The following APOA5 variants were observed in gnomAD, a reference collection of about 807,000 sequenced individuals.
APOA5 encodes the protein apolipoprotein A5.
A neutral mutation model predicts 31.8 loss-of-function variants in APOA5; 26 were observed. The ratio of observed to expected loss-of-function variants is 0.82; its 90% confidence interval spans 0.60 to 1.13. APOA5 has a LOEUF of 1.13. APOA5 is among the 50% of genes most tolerant of loss of function. The pLI, the probability that APOA5 is intolerant of heterozygous loss-of-function variation, is 0.00. For missense variants in APOA5, 450 were observed against 488.0 expected, an observed-to-expected ratio of 0.92 and a Z score of 0.73; for synonymous variants, 186 against 198.5, an observed-to-expected ratio of 0.94 and a Z score of 0.53.
Position 116,791,821 on chromosome 11 carries a change from GAGCCAGAGCCCAGGTGAGCACGGC to G in APOA5, c.16_39del (p.Ala6_Ala13del), listed in dbSNP as rs777372370. On this transcript the variant is annotated inframe_deletion, in exon 1 of 3. Transcript: ENST00000227665. ...AGGGTCGGAGACCCACCTGAAAGAA[GAGCCAGAGCCCAGGTGAGCACGGC>G]AGCCATGCTTGCCATTACCTGCTCT... 3.1e-6 allele frequency: 5 copies of G among 1,614,238 alleles called. No individual in the cohort carries two copies. The South Asian group carries it at 5.5e-5, about 18-fold the overall frequency.
intron 2 of APOA5, chr11:116,791,374 A>G (rs541986567): frequency 5.9e-5 from 42 of 709,722 alleles, no homozygotes; most frequent in South Asian, 5.8e-4. Flanking sequence ...TCAGTGAGCA[A>G]GGGGGCAACA....
At position 116,790,940 on chromosome 11, in the gene APOA5, G is replaced by A. The variant is rs201079485; in HGVS notation, c.289C>T (p.Gln97Ter). The change falls in exon 3 of 3, where the codon CAG (glutamine) becomes TAG (stop). Residue 97 changes from glutamine to a stop codon, truncating the protein, a stop_gained. Transcript: ENST00000227665. LOFTEE classifies it high-confidence loss of function. ...QDPVGMRRQL[Q>*]EELEEVKARL... is the part of the protein sequence containing the mutation. Reference sequence around the variant, plus strand: ...GCCTTCACCTCCTCCAACTCCTCCTGCAGCTGCCGCCGCATGCCCACCGGG... The same window carrying A: ...GCCTTCACCTCCTCCAACTCCTCCTACAGCTGCCGCCGCATGCCCACCGGG... The A allele has an allele frequency of 1.7e-4, 276 of 1,613,128 alleles. No individual in the cohort carries two copies. The highest frequency in any genetic ancestry group is 2.2e-4 in the Non-Finnish European group (256 of 1,180,024).
At chr11:116,791,211 TGGC>T in intron 2 of APOA5, 144 bp from the exon 3 acceptor site, 1 of 765,158 alleles carries the variant, frequency 1.3e-6, no homozygotes, top group South Asian at 1.5e-5. Flanking sequence ...GTCCTAGCCC[TGGC>T]CAGTAACAAC....
At chr11:116,791,963 A>ACT (rs931352504), upstream of APOA5, 236 of 1,301,746 alleles carry the variant, frequency 1.8e-4, 1 homozygote, top group Non-Finnish European at 2.1e-4. Context: ...TGCAGGGGCA[A>ACT]CTGCCCGAAA....
At position 116,790,894 on chromosome 11, in the gene APOA5, G is replaced by A; in HGVS notation, c.335C>T (p.Ala112Val). ...EVKARLQPYMAEAHELVGWNL... is the reference protein window; with the variant it reads ...EVKARLQPYMVEAHELVGWNL... Reference sequence around the variant, plus strand: ...CCAGCCCACCAGCTCGTGCGCCTCTGCCATGTAGGGCTGGAGGCGAGCCTT... The same window carrying A: ...CCAGCCCACCAGCTCGTGCGCCTCTACCATGTAGGGCTGGAGGCGAGCCTT... Residue 112 changes from alanine to valine, a missense_variant, in exon 3 of 3, where the codon GCA becomes GTA. Transcript: ENST00000227665. 1 of 1,613,676 alleles carries A rather than the reference G, an allele frequency of 6.2e-7. No individual in the cohort carries two copies. The highest frequency in any genetic ancestry group is 8.5e-7 in the Non-Finnish European group (1 of 1,180,044).
At chr11:116,791,494 G>T in intron 2 of APOA5, 92 bp downstream of exon 2, 1 of 1,268,172 alleles carries the variant, frequency 7.9e-7, no homozygotes, top group Non-Finnish European at 1.1e-6. Flanking sequence ...TCCCAGCAGC[G>T]GCCACAGAGG....
Position 116,790,888 on chromosome 11 carries a change from G to T in APOA5, c.341C>A (p.Ala114Glu). The T allele has an allele frequency of 6.2e-7, 1 of 1,613,536 alleles. No individual in the cohort carries two copies. The highest frequency in any genetic ancestry group is 8.5e-7 in the Non-Finnish European group (1 of 1,179,990). ...CAAATTCCAGCCCACCAGCTCGTGCGCCTCTGCCATGTAGGGCTGGAGGCG... is the reference window on the plus strand; with the variant it reads ...CAAATTCCAGCCCACCAGCTCGTGCTCCTCTGCCATGTAGGGCTGGAGGCG... ...KARLQPYMAE[A>E]HELVGWNLEG... is the part of the protein sequence containing the mutation. The change falls in exon 3 of 3, where the codon GCG becomes GAG. Residue 114 changes from alanine (A) to glutamate (E), a missense_variant. Physicochemically the swap from Ala to Glu is moderately radical, Grantham distance 107. Coordinates refer to ENST00000227665, the MANE Select transcript of APOA5 (RefSeq NM_001371904.1).
Position 116,790,001 on chromosome 11 carries a change from C to G in APOA5, c.*127G>C. ...GAGACAGCAGCCCCTTTGGTGGCCTCCCTGTCCTGCACAGGACCTTCCACC... is the reference window on the plus strand; with the variant it reads ...GAGACAGCAGCCCCTTTGGTGGCCTGCCTGTCCTGCACAGGACCTTCCACC... On this transcript the variant is annotated 3_prime_UTR_variant, in exon 3 of 3. Coordinates refer to ENST00000227665, the MANE Select transcript of APOA5 (RefSeq NM_001371904.1). 1 of 1,026,436 alleles carries G rather than the reference C, an allele frequency of 9.7e-7. No homozygotes were observed. Among genetic ancestry groups the G allele is most frequent in the Non-Finnish European group, 1.5e-6 (1 of 677,786 alleles). The allele number at this position is 1,026,436 out of a possible 1,614,324, so 63.6% of individuals were successfully genotyped here.
At chr11:116,791,257 A>T in intron 2 of APOA5, 190 bp from the exon 3 acceptor site, 2 of 709,000 alleles carry the variant, frequency 2.8e-6, no homozygotes, top group Non-Finnish European at 5.1e-6. Flanking sequence ...TTGCCCATAC[A>T]AATCCAGACC....
In APOA5 at chr11:116,790,959, C is replaced by T. The variant is rs1169697106; in HGVS notation, c.270G>A (p.Val90=). 6 of 1,613,232 alleles carry T rather than the reference C, an allele frequency of 3.7e-6. No homozygotes were observed. The highest frequency in any genetic ancestry group is 5.1e-6 in the Non-Finnish European group (6 of 1,179,946). ...SEAPRLPQDP[V]GMRRQLQEEL... ...CCTCCTGCAGCTGCCGCCGCATGCC[C>T]ACCGGGTCCTGTGGGAGCCGAGGAG... The change falls in exon 3 of 3, where the codon GTG becomes GTA. Residue 90 remains valine, a synonymous_variant. Coordinates refer to ENST00000227665, the MANE Select transcript of APOA5 (RefSeq NM_001371904.1).
In APOA5 at chr11:116,790,585, G is replaced by A. The variant is rs76753536; in HGVS notation, c.644C>T (p.Pro215Leu). The change falls in exon 3 of 3, where the codon CCG (proline) becomes CTG (leucine). Residue 215 changes from proline to leucine, a missense_variant. Coordinates refer to ENST00000227665, the MANE Select transcript of APOA5 (RefSeq NM_001371904.1). ...HVQELHRSVA[P>L]HAPASPARLS... The stretch of plus-strand genomic sequence containing the variant: ...GCGCGCGGGGCTGGCGGGGGCGTGC[G>A]GAGCCACACTGCGGTGCAGCTCCTG... 1.5e-4 allele frequency: 234 copies of A among 1,600,410 alleles called. 2 individuals are homozygous for A. In the African/African-American group the frequency reaches 2.6e-3, roughly 18 times the overall value.
Position 116,790,908 on chromosome 11 carries a change from G to C in APOA5, c.321C>G (p.Leu107=). 2.5e-6 allele frequency: 4 copies of C among 1,613,612 alleles called. No individual in the cohort carries two copies. Among genetic ancestry groups the C allele is most frequent in the Non-Finnish European group, 3.4e-6 (4 of 1,180,046 alleles). ...QEELEEVKAR[L]QPYMAEAHEL... The stretch of plus-strand genomic sequence containing the variant: ...CGTGCGCCTCTGCCATGTAGGGCTG[G>C]AGGCGAGCCTTCACCTCCTCCAACT... The change falls in exon 3 of 3, where the codon CTC becomes CTG. Residue 107 remains leucine, a synonymous_variant. Coordinates refer to ENST00000227665, the MANE Select transcript of APOA5 (RefSeq NM_001371904.1).
chr11:116,790,025 C>T lies in APOA5; in HGVS notation c.*103G>A. 3 of 1,303,116 alleles carry T rather than the reference C, an allele frequency of 2.3e-6. No individual in the cohort carries two copies. Among genetic ancestry groups the T allele is most frequent in the East Asian group, 5.0e-5 (2 of 39,828 alleles). The allele number at this position is 1,303,116 out of a possible 1,614,324, so 80.7% of individuals were successfully genotyped here. A position where few individuals can be genotyped will look rare whatever the true frequency, so the allele number is the denominator to read the frequency against. On this transcript the variant is annotated 3_prime_UTR_variant, in exon 3 of 3. Transcript: ENST00000227665. ...TCCCTGTCCTGCACAGGACCTTCCACCCTCCACCCAACAGGCCACTTTCAA... is the reference window on the plus strand; with the variant it reads ...TCCCTGTCCTGCACAGGACCTTCCATCCTCCACCCAACAGGCCACTTTCAA...
At position 116,789,972 on chromosome 11, in the gene APOA5, G is replaced by T; in HGVS notation, c.*156C>A. The stretch of plus-strand genomic sequence containing the variant: ...TGGGGAGTCGCAGGAGGCTGGATGT[G>T]CAGGAGACAGCAGCCCCTTTGGTGG... On this transcript the variant is annotated 3_prime_UTR_variant, in exon 3 of 3. Coordinates refer to ENST00000227665, the MANE Select transcript of APOA5 (RefSeq NM_001371904.1). The T allele has an allele frequency of 3.9e-6, 3 of 765,296 alleles. No individual in the cohort carries two copies. The highest frequency in any genetic ancestry group is 4.4e-6 in the Non-Finnish European group (2 of 456,606). The allele number at this position is 765,296 out of a possible 1,614,324, so 47.4% of individuals were successfully genotyped here.
At chr11:116,791,379 G>A in intron 2 of APOA5, 2 of 714,216 alleles carry the variant, frequency 2.8e-6, no homozygotes, top group South Asian at 1.5e-5. Flanking sequence ...GAGCAAGGGG[G>A]CAACAGCTAC....
At position 116,790,292 on chromosome 11, in the gene APOA5, G is replaced by A. The variant is rs147528707; in HGVS notation, c.937C>T (p.Gln313Ter). 25 of 1,614,158 alleles carry A rather than the reference G, an allele frequency of 1.5e-5. No individual in the cohort carries two copies. Among genetic ancestry groups the A allele is most frequent in the Non-Finnish European group, 2.0e-5 (24 of 1,180,052 alleles). Residue 313 changes from glutamine to a stop codon, truncating the protein, a stop_gained, in exon 3 of 3, where the codon CAG becomes TAG. Coordinates refer to ENST00000227665, the MANE Select transcript of APOA5 (RefSeq NM_001371904.1). LOFTEE classifies it high-confidence loss of function. ...TGGCCTGGTGGAGGTGGCGCCAGCT[G>A]CTGCTGGACCTCCTCAGTCTCCTGG... ...IDQETEEVQQ[Q>*]LAPPPPGHSA...
Position 116,790,433 on chromosome 11 carries a change from T to C in APOA5, c.796A>G (p.Thr266Ala). ...GGGTCCGGGCCGGCCCCTTCCTCAG[T>C]CCCAGTGCCTGCAAAGGCTCTGCTG... ...ELSRAFAGTGTEEGAGPDPQM... is the reference protein window; with the variant it reads ...ELSRAFAGTGAEEGAGPDPQM... The change falls in exon 3 of 3, where the codon ACT becomes GCT. Residue 266 changes from threonine (T) to alanine (A), a missense_variant. Transcript: ENST00000227665. 6.2e-7 allele frequency: 1 copy of C among 1,605,430 alleles called. No homozygotes were observed. The highest frequency in any genetic ancestry group is 8.5e-7 in the Non-Finnish European group (1 of 1,179,976).
Position 116,790,577 on chromosome 11 carries a change from G to C in APOA5, c.652C>G (p.Pro218Ala). 1 of 1,598,836 alleles carries C rather than the reference G, an allele frequency of 6.3e-7. No homozygotes were observed. The highest frequency in any genetic ancestry group is 1.1e-5 in the South Asian group (1 of 90,662). The change falls in exon 3 of 3, where the codon CCC (proline) becomes GCC (alanine). Residue 218 changes from proline to alanine, a missense_variant. Pro to Ala is a conservative substitution (Grantham distance 27). Coordinates refer to ENST00000227665, the MANE Select transcript of APOA5 (RefSeq NM_001371904.1). ...ELHRSVAPHAPASPARLSRCV... is the reference protein window; with the variant it reads ...ELHRSVAPHAAASPARLSRCV... ...CGACTGAGGCGCGCGGGGCTGGCGG[G>C]GGCGTGCGGAGCCACACTGCGGTGC... is the stretch of plus-strand genomic sequence containing the variant.
rs777046568 is a variant in APOA5 at position 116,790,801 on chromosome 11, CG to C, written c.427del (p.Arg143AlafsTer57). 36 of 1,613,662 alleles carry C rather than the reference CG, an allele frequency of 2.2e-5. No individual in the cohort carries two copies. Among genetic ancestry groups the C allele is most frequent in the South Asian group, 1.6e-4 (15 of 91,090 alleles). On this transcript the variant is annotated frameshift_variant, in exon 3 of 3. Coordinates refer to ENST00000227665, the MANE Select transcript of APOA5 (RefSeq NM_001371904.1). LOFTEE classifies it high-confidence loss of function. ...TMDLMEQVAL[R>X]VQELQEQLRV... Reference sequence around the variant, plus strand: ...CAACTGCTCCTGCAGCTCCTGCACGCGCAGGGCCACCTGCTCCATCAGATCC... The same window carrying C: ...CAACTGCTCCTGCAGCTCCTGCACGCCAGGGCCACCTGCTCCATCAGATCC...
Sources: allele counts gnomAD v4.1 joint callset, GRCh38; gene constraint gnomAD v4.1.1; transcripts MANE v1.5; gene names NCBI Gene and HGNC (gene_info 2026-07-23, HGNC 2026-07-21).